PRKCQ: variants seen among roughly 807,000 people sequenced by gnomAD.
PRKCQ encodes protein kinase C theta, also known as protein kinase C theta type.
PRKCQ carries 41 observed loss-of-function variants against 91.2 expected under a neutral mutation model. The ratio of observed to expected loss-of-function variants is 0.45; its 90% confidence interval spans 0.35 to 0.58. PRKCQ has a LOEUF of 0.58. Ranked by LOEUF, PRKCQ falls within the 20% of genes least tolerant of loss-of-function variation. The pLI, the probability that PRKCQ is intolerant of heterozygous loss-of-function variation, is 0.00. For missense variants in PRKCQ, 673 were observed against 896.5 expected, an observed-to-expected ratio of 0.75 and a Z score of 3.18; for synonymous variants, 307 against 316.9, an observed-to-expected ratio of 0.97 and a Z score of 0.33.
At chr10:6,571,826 C>A (rs982057038) in intron 1 of PRKCQ, among the ~76,000 whole-genome samples, 1 of 151,836 alleles carries the variant, frequency 6.6e-6, no homozygotes, top group African/African-American at 2.4e-5. Context: ...ACAAACAAAC[C>A]AACAAACAAA....
intron 1 of PRKCQ, among the ~76,000 whole-genome samples, chr10:6,566,052 GC>G (rs1840825207): frequency 6.6e-6 from 1 of 152,082 alleles, no homozygotes; most frequent in South Asian, 2.1e-4. Context: ...CAGAAACATA[GC>G]CCACTGAGGA....
Position 6,479,004 on chromosome 10 carries a change from T to C in PRKCQ, c.1341A>G (p.Thr447=), listed in dbSNP as rs1836428707. 2.5e-6 allele frequency: 4 copies of C among 1,614,008 alleles called. No homozygotes were observed. The South Asian group carries it at 3.3e-5, about 13-fold the overall frequency. ...EHPFLTHMFC[T]FQTKENLFFV... is the part of the protein sequence containing the mutation. ...GCAGAAGCCATACCTTGGTCTGGAATGTACAAAACATGTGCGTCAGAAACG... is the reference window on the plus strand; with the variant it reads ...GCAGAAGCCATACCTTGGTCTGGAACGTACAAAACATGTGCGTCAGAAACG... The change falls in exon 12 of 18, where the codon ACA becomes ACG. Residue 447 remains threonine, a synonymous_variant. Transcript: ENST00000263125.
intron 1 of PRKCQ, among the ~76,000 whole-genome samples, chr10:6,534,807 T>G (rs1333228733): frequency 1.3e-5 from 2 of 148,262 alleles, no homozygotes; most frequent in South Asian, 2.1e-4. Context: ...TATATATATA[T>G]ATATAAACTC....
the PRKCQ span, among the ~76,000 whole-genome samples, chr10:6,406,181 G>T: frequency 6.8e-6 from 1 of 146,706 alleles, no homozygotes; most frequent in African/African-American, 2.4e-5. Flanking sequence ...CAACATTTTA[G>T]AAAAATCCTT....
At chr10:6,580,288 G>GCGCGGGGACTGC (rs1244655705), upstream of PRKCQ, 4 of 55,900 alleles carry the variant, frequency 7.2e-5, no homozygotes, top group African/African-American at 1.6e-4. Flanking sequence ...CGCGGGGACT[G>GCGCGGGGACTGC]GCGGGGCTGG....
intron 1 of PRKCQ, among the ~76,000 whole-genome samples, chr10:6,529,078 C>T (rs1839296803): frequency 1.3e-5 from 2 of 152,214 alleles, no homozygotes; most frequent in South Asian, 4.1e-4. Flanking sequence ...ATTTTCTCAG[C>T]ATGTCATAAG....
chr10:6,570,521 G>T (rs1003267378), intron 1 of PRKCQ, among the ~76,000 whole-genome samples: 7 of 151,722 alleles, frequency 4.6e-5, no homozygotes, highest in Admixed American at 1.3e-4. Context: ...GGCCCCAGGG[G>T]AGGTGAGCCT....
chr10:6,552,457 AG>A (rs1285848316), intron 1 of PRKCQ, among the ~76,000 whole-genome samples: 1 of 141,164 alleles, frequency 7.1e-6, no homozygotes, highest in Admixed American at 6.9e-5. Context: ...CAAACCTGTT[AG>A]TCTTTTTTTT....
At chr10:6,544,624 C>G (rs1170516782) in intron 1 of PRKCQ, among the ~76,000 whole-genome samples, 2 of 150,454 alleles carry the variant, frequency 1.3e-5, no homozygotes, top group Non-Finnish European at 3.0e-5. Context: ...CTACCCCACA[C>G]TCTTTTTTTT....
intron 1 of PRKCQ, among the ~76,000 whole-genome samples, chr10:6,569,510 T>TTGGAGAAC (rs1394744955): frequency 1.3e-5 from 2 of 151,934 alleles, no homozygotes; most frequent in African/African-American, 4.8e-5. Flanking sequence ...TGGGTAGCCT[T>TTGGAGAAC]TGGAGAACTT....
chr10:6,566,367 T>A (rs374319923), intron 1 of PRKCQ, among the ~76,000 whole-genome samples: 1 of 152,198 alleles, frequency 6.6e-6, no homozygotes, highest in Admixed American at 6.5e-5. Flanking sequence ...ATGTATCCAC[T>A]TCTTTCCCAC....
intron 12 of PRKCQ, among the ~76,000 whole-genome samples, chr10:6,476,167 AAGG>A (rs1836256026): frequency 6.6e-6 from 1 of 152,214 alleles, no homozygotes. Context: ...TAAATGGGTT[AAGG>A]AGATCTCTCA....
In PRKCQ at chr10:6,465,235, T is replaced by C. The variant is rs909854632; in HGVS notation, c.1354-831A>G. Reference sequence around the variant, plus strand: ...GCGGGTCATGTCAGTCATTCCTCCCTGAAGCTTGCAATCAAGTTTAACCTT... The same window carrying C: ...GCGGGTCATGTCAGTCATTCCTCCCCGAAGCTTGCAATCAAGTTTAACCTT... On this transcript the variant is annotated intron_variant, in intron 12 of 17. Transcript: ENST00000263125. This position sits in a 1 kb window ranked among gnomAD's most constrained non-coding sequence, Gnocchi z 4.4. Among the ~76,000 whole-genome samples, 3 of 152,224 alleles carry C rather than the reference T, an allele frequency of 2.0e-5. No individual in the cohort carries two copies. The highest frequency in any genetic ancestry group is 7.2e-5 in the African/African-American group (3 of 41,454).
At chr10:6,528,390 G>T (rs951347172) in intron 1 of PRKCQ, among the ~76,000 whole-genome samples, 7 of 152,130 alleles carry the variant, frequency 4.6e-5, no homozygotes, top group African/African-American at 1.7e-4. Flanking sequence ...CCATGTCATA[G>T]GCTGGGGTGG....
At chr10:6,481,858 C>A (rs537040109) in intron 11 of PRKCQ, among the ~76,000 whole-genome samples, 2 of 152,238 alleles carry the variant, frequency 1.3e-5, no homozygotes, top group African/African-American at 2.4e-5. Context: ...ACATGAGATA[C>A]CCTTAATATC....
chr10:6,398,586 C>T, the PRKCQ span, among the ~76,000 whole-genome samples: 4 of 152,096 alleles, frequency 2.6e-5, no homozygotes, highest in African/African-American at 9.7e-5. Flanking sequence ...AGCCTTATTT[C>T]AGAAGTTTGA....
At chr10:6,575,457 A>C (rs893387517) in intron 1 of PRKCQ, among the ~76,000 whole-genome samples, 1 of 152,226 alleles carries the variant, frequency 6.6e-6, no homozygotes, top group African/African-American at 2.4e-5. Flanking sequence ...TTTCTGAATC[A>C]TAAGGTTCCT....
chr10:6,470,019 A>C (rs1835872616), intron 12 of PRKCQ, among the ~76,000 whole-genome samples: 1 of 152,192 alleles, frequency 6.6e-6, no homozygotes, highest in South Asian at 2.1e-4. Context: ...TACACTCTGC[A>C]GTCATAATGA....
chr10:6,527,425 T>C (rs879764653), intron 1 of PRKCQ, among the ~76,000 whole-genome samples: 7 of 152,178 alleles, frequency 4.6e-5, no homozygotes, highest in Non-Finnish European at 7.3e-5. Flanking sequence ...CAGTTGCTAA[T>C]CATGGTCATT....
Sources: allele counts gnomAD v4.1 joint callset (sites outside exome capture counted in the v4.1 genomes callset), GRCh38; gene constraint gnomAD v4.1.1; non-coding constraint Gnocchi (gnomAD v3.1); transcripts MANE v1.5; gene names NCBI Gene and HGNC (gene_info 2026-07-23, HGNC 2026-07-21).